Variants in LAMA1 observed in about 807,000 individuals in gnomAD.
The protein encoded by LAMA1 is laminin subunit alpha-1.
A neutral mutation model predicts 348.7 loss-of-function variants in LAMA1; 219 were observed. That is an observed-to-expected ratio of 0.63 (90% confidence interval 0.56 to 0.70). LAMA1 has a LOEUF of 0.70. LAMA1 is among the 30% of genes least tolerant of loss of function. LAMA1 has a pLI of 0.00. For missense variants in LAMA1, 3,744 were observed against 3,888.0 expected, an observed-to-expected ratio of 0.96 and a Z score of 0.99; for synonymous variants, 1,487 against 1,491.0, an observed-to-expected ratio of 1.00 and a Z score of 0.06.
At chr18:6,970,759 T>C (rs1028031639) in intron 48 of LAMA1, among the ~76,000 whole-genome samples, 31 of 152,162 alleles carry the variant, frequency 2.0e-4, no homozygotes, top group Middle Eastern at 3.4e-3. Context: ...ACTACATGCA[T>C]GTGCCACCAT....
intron 3 of LAMA1, among the ~76,000 whole-genome samples, chr18:7,074,424 A>G (rs1410607012): frequency 6.6e-6 from 1 of 152,208 alleles, no homozygotes; most frequent in Admixed American, 6.5e-5. Flanking sequence ...CATAGGGAAT[A>G]AATTTTCCTG....
chr18:7,097,664 T>G (rs2058267764), intron 1 of LAMA1, among the ~76,000 whole-genome samples: 1 of 152,220 alleles, frequency 6.6e-6, no homozygotes, highest in African/African-American at 2.4e-5. Context: ...CAGTGTGATA[T>G]TAGCATAAAA....
At chr18:6,955,301 C>T in intron 57 of LAMA1, 52 bp downstream of exon 57, 2 of 1,354,076 alleles carry the variant, frequency 1.5e-6, no homozygotes, top group East Asian at 2.4e-5. Flanking sequence ...GCAGAACACC[C>T]CCATACATCT....
At position 7,044,885 on chromosome 18, in the gene LAMA1, T is replaced by G. The variant is rs930152410; in HGVS notation, c.859-46A>C. On this transcript the variant is annotated intron_variant, in intron 6 of 62. Coordinates refer to ENST00000389658, the MANE Select transcript of LAMA1 (RefSeq NM_005559.4). ...AACTGAATTAGAAAATGTATCTGCT[T>G]ATGTTTCTTAATTTCATGGTAAAAA... 6 of 1,358,344 alleles carry G rather than the reference T, an allele frequency of 4.4e-6. No homozygotes were observed. The Admixed American group carries it at 8.4e-5, about 19-fold the overall frequency. 84.1% of individuals were successfully genotyped at this position (1,358,344 alleles called of 1,614,324 possible).
chr18:7,078,323 C>T (rs1024172212), intron 3 of LAMA1, among the ~76,000 whole-genome samples: 8 of 151,144 alleles, frequency 5.3e-5, no homozygotes, highest in South Asian at 2.1e-4. Context: ...CCTGCCACCA[C>T]GCCCAGCTAA....
At chr18:7,083,792 C>T (rs901145943) in intron 1 of LAMA1, among the ~76,000 whole-genome samples, 5 of 152,012 alleles carry the variant, frequency 3.3e-5, no homozygotes, top group Admixed American at 6.5e-5. Flanking sequence ...AGGTTGGGGC[C>T]GGGCGCAATG....
At chr18:6,988,186 CA>C (rs1222021707) in intron 36 of LAMA1, among the ~76,000 whole-genome samples, 3 of 152,182 alleles carry the variant, frequency 2.0e-5, no homozygotes, top group African/African-American at 7.2e-5. Context: ...ATCTAAACTA[CA>C]ATCAGGTGAA....
At chr18:7,093,333 A>G (rs574296502) in intron 1 of LAMA1, among the ~76,000 whole-genome samples, 371 of 152,122 alleles carry the variant, frequency 2.4e-3, no homozygotes, top group South Asian at 0.021. Flanking sequence ...GGAGAATGGC[A>G]TGAACCCGGG....
intron 1 of LAMA1, among the ~76,000 whole-genome samples, chr18:7,088,206 C>G (rs908015217): frequency 6.6e-6 from 1 of 152,154 alleles, no homozygotes; most frequent in Non-Finnish European, 1.5e-5. Context: ...TAGCACGATT[C>G]GCCCGTTCCC....
intron 58 of LAMA1, 122 bp downstream of exon 58, chr18:6,950,660 C>A: frequency 2.6e-6 from 3 of 1,132,570 alleles, no homozygotes; most frequent in African/African-American, 1.5e-5. Flanking sequence ...GGGGGAGACA[C>A]CAGACACACA....
At chr18:7,000,498 G>A (rs1157869286) in intron 30 of LAMA1, among the ~76,000 whole-genome samples, 6 of 152,204 alleles carry the variant, frequency 3.9e-5, no homozygotes, top group African/African-American at 7.2e-5. Context: ...ACTGGAGAAC[G>A]GATGCACCTA....
intron 20 of LAMA1, 116 bp downstream of exon 20, chr18:7,017,162 T>C (rs2057892374): frequency 1.2e-6 from 1 of 816,670 alleles, no homozygotes; most frequent in South Asian, 1.5e-5. Context: ...TTGGGTAGTA[T>C]CTCTATAGCA....
chr18:7,003,549 T>C (rs770477476), intron 29 of LAMA1, among the ~76,000 whole-genome samples: 5 of 152,264 alleles, frequency 3.3e-5, no homozygotes, highest in East Asian at 3.9e-4. Context: ...TGAGCCACCG[T>C]GCCCGGCCAA....
chr18:7,004,113 G>A (rs1451313584), intron 29 of LAMA1, among the ~76,000 whole-genome samples: 2 of 152,222 alleles, frequency 1.3e-5, no homozygotes, highest in East Asian at 3.9e-4. Context: ...GAGAAGCAAA[G>A]ACAAGCTGCC....
rs1010574240 is a variant in LAMA1, at chr18:6,974,919, T to C, written c.6607A>G (p.Ser2203Gly). The change falls in exon 46 of 63, where the codon AGT (serine) becomes GGT (glycine). Residue 2203 changes from serine to glycine, a missense_variant. Physicochemically the swap from Ser to Gly is moderately conservative, Grantham distance 56. Transcript: ENST00000389658. ...CTCTTCTACCTGGCTACATGGATAC[T>C]GTGCCATCTGTTGTCATCAATGGGA... ...DFPIDDNRWH[S>G]IHVARFGNIG... The C allele has an allele frequency of 1.2e-6, 2 of 1,614,156 alleles. No individual in the cohort carries two copies. Among genetic ancestry groups the C allele is most frequent in the Non-Finnish European group, 8.5e-7 (1 of 1,180,024 alleles).
chr18:7,080,011 T>G lies in LAMA1; in HGVS notation c.309A>C (p.Glu103Asp). 1 of 1,614,172 alleles carries G rather than the reference T, an allele frequency of 6.2e-7. No individual in the cohort carries two copies. The highest frequency in any genetic ancestry group is 1.7e-5 in the Admixed American group (1 of 60,032). ...CCAGAGTGATTGTGACCCAGTGATA[T>G]TCTCTCCCATTCTGAATGCTGGGAC... The part of the protein sequence containing the change: ...WQSPSIQNGR[E>D]YHWVTITLDL... The change falls in exon 3 of 63, where the codon GAA becomes GAC. Residue 103 changes from glutamate (E) to aspartate (D), a missense_variant. Glu to Asp is a conservative substitution (Grantham distance 45). This residue lies in a region of LAMA1 where 1,529 missense variants were observed against 1,689.4 expected (regional missense o/e 0.91). Coordinates refer to ENST00000389658, the MANE Select transcript of LAMA1 (RefSeq NM_005559.4).
At chr18:7,068,462 C>T (rs898105175) in intron 3 of LAMA1, among the ~76,000 whole-genome samples, 5 of 152,138 alleles carry the variant, frequency 3.3e-5, no homozygotes, top group East Asian at 1.9e-4. Context: ...ACAGAGATTC[C>T]CTGATTTCTT....
chr18:6,954,528 G>C (rs535787516), intron 57 of LAMA1: 1 of 153,116 alleles, frequency 6.5e-6, no homozygotes, highest in Non-Finnish European at 1.5e-5. Flanking sequence ...CTAATAGGAG[G>C]CTTTTAAAGT....
In LAMA1 at chr18:6,959,572, C is replaced by T. The variant is rs73390538; in HGVS notation, c.7627-80G>A. 1.6e-3 allele frequency: 2,292 copies of T among 1,473,082 alleles called. 25 individuals carry two copies. The African/African-American group carries it at 0.028, about 18-fold the overall frequency. 91.3% of individuals were successfully genotyped at this position (1,473,082 alleles called of 1,614,324 possible). ...GAAAACTTTCATCTTATGAAGATAA[C>T]GTGAGAAGATTAACATCAAGTGAGT... On this transcript the variant is annotated intron_variant, in intron 53 of 62. Transcript: ENST00000389658.
Sources: allele counts gnomAD v4.1 joint callset (sites outside exome capture counted in the v4.1 genomes callset), GRCh38; gene constraint gnomAD v4.1.1; regional missense constraint gnomAD v4.1.1; transcripts MANE v1.5; gene names NCBI Gene and HGNC (gene_info 2026-07-23, HGNC 2026-07-21).